The following TTLL5 variants were observed in gnomAD, a reference collection of about 807,000 sequenced individuals.
TTLL5 encodes the protein tubulin tyrosine ligase like 5, also known as tubulin polyglutamylase TTLL5.
A neutral mutation model predicts 168.4 loss-of-function variants in TTLL5; 132 were observed. The observed-to-expected ratio is 0.78, with a 90% confidence interval of 0.68 to 0.91. The LOEUF (loss-of-function observed/expected upper bound fraction) is 0.91, where lower values mean the gene tolerates loss of function less well. Ranked by LOEUF, TTLL5 falls within the 40% of genes least tolerant of loss-of-function variation. The probability of loss-of-function intolerance (pLI) is 0.00; values close to 1 mark genes in which losing one functional copy is unlikely to be tolerated. For missense variants in TTLL5, 1,545 were observed against 1,581.5 expected (o/e 0.98, Z 0.39); for synonymous variants, 546 against 558.6 (o/e 0.98, Z 0.32).
At chr14:75,848,018 T>C (rs1442812231) in intron 28 of TTLL5, among the ~76,000 whole-genome samples, 4 of 151,762 alleles carry the variant, frequency 2.6e-5, no homozygotes, top group African/African-American at 9.7e-5. Flanking sequence ...TTTTCCCCAT[T>C]TTATAAAAAT....
intron 6 of TTLL5, among the ~76,000 whole-genome samples, chr14:75,695,141 G>A (rs1885747723): frequency 6.6e-6 from 1 of 152,178 alleles, no homozygotes; most frequent in African/African-American, 2.4e-5. Context: ...TTCTCAGCAA[G>A]GAACAGCCCT....
chr14:75,728,992 C>T (rs1485230473), intron 12 of TTLL5, among the ~76,000 whole-genome samples: 2 of 152,040 alleles, frequency 1.3e-5, no homozygotes. Flanking sequence ...AGAGAGGGAG[C>T]AGAAGCAAAT....
chr14:75,672,016 C>G (rs1269615512), intron 3 of TTLL5, among the ~76,000 whole-genome samples: 1 of 152,096 alleles, frequency 6.6e-6, no homozygotes, highest in East Asian at 1.9e-4. Context: ...TCATAAATGT[C>G]CTTTGTCATG....
chr14:75,663,446 C>T (rs924374622), intron 2 of TTLL5, among the ~76,000 whole-genome samples: 1 of 152,184 alleles, frequency 6.6e-6, no homozygotes, highest in Admixed American at 6.5e-5. Context: ...ATAAGGCTCT[C>T]TTTCTGGGCC....
chr14:75,906,572 C>T, intron 31 of TTLL5: 1 of 985,824 alleles, frequency 1.0e-6, no homozygotes, highest in Non-Finnish European at 1.2e-6. Flanking sequence ...GGATACTCCC[C>T]AAGTTATTTT....
chr14:75,910,224 G>A (rs1006488011), intron 31 of TTLL5, among the ~76,000 whole-genome samples: 2 of 152,244 alleles, frequency 1.3e-5, no homozygotes, highest in South Asian at 2.1e-4. Flanking sequence ...AAAGAGACAC[G>A]GGAAGTACAG....
chr14:75,820,427 A>G (rs927643349), intron 28 of TTLL5, among the ~76,000 whole-genome samples: 1 of 152,196 alleles, frequency 6.6e-6, no homozygotes, highest in African/African-American at 2.4e-5. Context: ...ACTATGTTTA[A>G]ACCTTGCTTA....
At chr14:75,799,471 A>G (rs778753762) in intron 27 of TTLL5, among the ~76,000 whole-genome samples, 26 of 152,130 alleles carry the variant, frequency 1.7e-4, no homozygotes, top group Non-Finnish European at 3.1e-4. Context: ...ATTCAACATT[A>G]TTATTGAGAT....
At chr14:75,836,190 T>C (rs1026276826) in intron 28 of TTLL5, among the ~76,000 whole-genome samples, 3 of 152,170 alleles carry the variant, frequency 2.0e-5, no homozygotes, top group Admixed American at 6.5e-5. Context: ...TACATACACA[T>C]AGTAGAGTAC....
Position 75,762,113 on chromosome 14 carries a change from G to A in TTLL5, c.1551-2502G>A, listed in dbSNP as rs150696945. Among the ~76,000 whole-genome samples, 154 of 152,104 alleles carry A rather than the reference G, an allele frequency of 1.0e-3. 1 individual carries two copies. The highest frequency in any genetic ancestry group is 3.4e-3 in the Middle Eastern group (1 of 294). ...TAAATATTTAAAAAAAAAATGTTGG[G>A]GGCTGGGCGTGGTGGCTCACACCTG... is the stretch of plus-strand genomic sequence containing the variant. On this transcript the variant is annotated intron_variant, in intron 18 of 31. Transcript: ENST00000298832.
intron 28 of TTLL5, among the ~76,000 whole-genome samples, chr14:75,853,488 C>G (rs529435782): frequency 1.3e-5 from 2 of 152,274 alleles, no homozygotes; most frequent in South Asian, 2.1e-4. Flanking sequence ...TCTTGGTAGT[C>G]CGTAAGCACC....
intron 6 of TTLL5, among the ~76,000 whole-genome samples, 177 bp downstream of exon 6, chr14:75,690,499 T>A (rs1454466078): frequency 6.6e-6 from 1 of 152,206 alleles, no homozygotes; most frequent in Admixed American, 6.5e-5. Flanking sequence ...TCTGATATGT[T>A]CAGTAAACTT....
Position 75,796,967 on chromosome 14 carries a change from A to G in TTLL5, c.3171+3867A>G, listed in dbSNP as rs149985772. Among the ~76,000 whole-genome samples, 623 of 151,620 alleles carry G rather than the reference A, an allele frequency of 4.1e-3. 3 individuals are homozygous for G. Among genetic ancestry groups the G allele is most frequent in the East Asian group, 0.014 (72 of 5,172 alleles). Reference sequence around the variant, plus strand: ...GTTTTTTCTAGTTCTGTGAAGAATGATGATGGTATTAAATTGCACTGAATT... The same window carrying G: ...GTTTTTTCTAGTTCTGTGAAGAATGGTGATGGTATTAAATTGCACTGAATT... On this transcript the variant is annotated intron_variant, in intron 27 of 31. Coordinates refer to ENST00000298832, the MANE Select transcript of TTLL5 (RefSeq NM_015072.5).
intron 26 of TTLL5, 117 bp downstream of exon 26, chr14:75,783,647 C>T (rs1892187982): frequency 7.3e-6 from 10 of 1,371,864 alleles, no homozygotes; most frequent in Non-Finnish European, 9.8e-6. Flanking sequence ...AATGGACACA[C>T]ACTGCATTGT....
At chr14:75,789,305 A>C (rs1892557999) in intron 26 of TTLL5, among the ~76,000 whole-genome samples, 1 of 152,226 alleles carries the variant, frequency 6.6e-6, no homozygotes, top group Non-Finnish European at 1.5e-5. Context: ...CTTTTGGCTA[A>C]GATCAAGTAT....
intron 31 of TTLL5, among the ~76,000 whole-genome samples, chr14:75,924,080 C>G (rs1351582782): frequency 7.0e-6 from 1 of 143,814 alleles, no homozygotes; most frequent in Admixed American, 7.0e-5. Context: ...CCTGGTAGAT[C>G]TTCGTCCATC....
chr14:75,861,739 C>T (rs1260890318), intron 28 of TTLL5, among the ~76,000 whole-genome samples: 1 of 152,032 alleles, frequency 6.6e-6, no homozygotes, highest in Non-Finnish European at 1.5e-5. Context: ...AAAAGAAATA[C>T]AGTGTAATTA....
chr14:75,869,222 C>G (rs1197736826), intron 29 of TTLL5, among the ~76,000 whole-genome samples: 1 of 151,920 alleles, frequency 6.6e-6, no homozygotes, highest in Non-Finnish European at 1.5e-5. Flanking sequence ...ATTGATTTTC[C>G]TAGGACCACT....
chr14:75,877,165 A>G (rs1012173166), intron 29 of TTLL5, among the ~76,000 whole-genome samples: 3 of 152,206 alleles, frequency 2.0e-5, no homozygotes, highest in South Asian at 2.1e-4. Flanking sequence ...ATCCCCCTTC[A>G]TTCTCAAAAA....
Sources: allele counts gnomAD v4.1 joint callset (sites outside exome capture counted in the v4.1 genomes callset), GRCh38; gene constraint gnomAD v4.1.1; transcripts MANE v1.5; gene names NCBI Gene and HGNC (gene_info 2026-07-23, HGNC 2026-07-21).